TEC: variants seen among roughly 807,000 people sequenced by gnomAD.
TEC encodes the protein tec protein tyrosine kinase, also known as tyrosine-protein kinase Tec.
In TEC, 72 loss-of-function variants were observed where a neutral mutation model predicts 93.0. The observed-to-expected ratio is 0.77, with a 90% CI of 0.64 to 0.94. TEC has a LOEUF of 0.94. TEC is among the 40% of genes least tolerant of loss of function. TEC has a pLI of 0.00. For missense variants in TEC, 630 were observed against 757.9 expected, an observed-to-expected ratio of 0.83 and a Z score of 1.98; for synonymous variants, 249 against 247.7, an observed-to-expected ratio of 1.01 and a Z score of -0.05.
chr4:48,212,110 A>AAAAAAAAAAAAAT, intron 2 of TEC, among the ~76,000 whole-genome samples: 5 of 122,250 alleles, frequency 4.1e-5, no homozygotes, highest in South Asian at 2.5e-4. Context: ...AAAAAAAAAA[A>AAAAAAAAAAAAAT]ATATATATAT....
intron 1 of TEC, among the ~76,000 whole-genome samples, chr4:48,243,040 C>T (rs958093938): frequency 2.0e-5 from 3 of 152,136 alleles, no homozygotes; most frequent in Admixed American, 6.5e-5. Context: ...CATTTTACTA[C>T]TGTGTTAAAC....
intron 1 of TEC, among the ~76,000 whole-genome samples, chr4:48,250,588 G>A (rs12507853): frequency 0.15 from 22,680 of 152,150 alleles, 2,041 homozygotes; most frequent in Non-Finnish European, 0.2. Context: ...TGCGATCACC[G>A]TGAGAATCCA....
At chr4:48,174,730 A>G (rs1464292445) in intron 3 of TEC, among the ~76,000 whole-genome samples, 1 of 152,126 alleles carries the variant, frequency 6.6e-6, no homozygotes, top group African/African-American at 2.4e-5. Context: ...TGCATTAAAC[A>G]TACTTAAGAA....
chr4:48,192,479 G>T (rs933959501), intron 2 of TEC, among the ~76,000 whole-genome samples: 1 of 152,082 alleles, frequency 6.6e-6, no homozygotes, highest in Non-Finnish European at 1.5e-5. Context: ...ATCAAATAAT[G>T]CAATTTAAAT....
chr4:48,169,464 A>T (rs1468925386), intron 5 of TEC, among the ~76,000 whole-genome samples: 1 of 152,146 alleles, frequency 6.6e-6, no homozygotes, highest in Admixed American at 6.5e-5. Context: ...TCCCAAGAGA[A>T]TCAGGGTGCC....
intron 1 of TEC, among the ~76,000 whole-genome samples, chr4:48,231,508 G>A (rs1723642082): frequency 6.6e-6 from 1 of 152,214 alleles, no homozygotes; most frequent in South Asian, 2.1e-4. Context: ...TGTAATCCCA[G>A]CACTTTGGGA....
chr4:48,269,177 G>A (rs981620932), intron 1 of TEC, among the ~76,000 whole-genome samples: 9 of 152,184 alleles, frequency 5.9e-5, no homozygotes, highest in African/African-American at 2.2e-4. Flanking sequence ...GAACATCTTG[G>A]CCGATACTGC....
intron 2 of TEC, among the ~76,000 whole-genome samples, chr4:48,216,162 G>A (rs1723070710): frequency 6.6e-6 from 1 of 151,272 alleles, no homozygotes; most frequent in South Asian, 2.1e-4. Flanking sequence ...TGTTCCCTCT[G>A]CATTGAATGG....
intron 2 of TEC, among the ~76,000 whole-genome samples, chr4:48,218,518 C>T (rs990813039): frequency 1.4e-4 from 21 of 152,128 alleles, no homozygotes; most frequent in African/African-American, 4.8e-4. Flanking sequence ...CCCGGTAGTA[C>T]AAGAAATTAT....
rs143016036 is a variant in TEC at position 48,246,938 on chromosome 4, A to G, written c.-45-18279T>C. ...AACTTAAAAATTTTTGCGTGACATT[A>G]TTGAAGAAGGTTACAAGAAGTTCCC... On this transcript the variant is annotated intron_variant, in intron 1 of 17. Transcript: ENST00000381501. Among the ~76,000 whole-genome samples, 605 of 152,324 alleles carry G rather than the reference A, an allele frequency of 4.0e-3. 9 individuals carry two copies. The highest frequency in any genetic ancestry group is 0.014 in the African/African-American group (562 of 41,582).
At chr4:48,185,514 C>T (rs1234383869) in intron 2 of TEC, among the ~76,000 whole-genome samples, 3 of 152,140 alleles carry the variant, frequency 2.0e-5, no homozygotes, top group Non-Finnish European at 1.5e-5. Flanking sequence ...CTAACAAAAA[C>T]TTGGCATTCC....
intron 2 of TEC, among the ~76,000 whole-genome samples, chr4:48,207,046 C>T (rs146003855): frequency 1.6e-4 from 25 of 152,164 alleles, no homozygotes; most frequent in African/African-American, 6.0e-4. Context: ...TCTTCTGCAC[C>T]GTTGACAGGA....
intron 1 of TEC, among the ~76,000 whole-genome samples, chr4:48,230,861 C>T (rs1723626020): frequency 6.6e-6 from 1 of 152,190 alleles, no homozygotes; most frequent in African/African-American, 2.4e-5. Context: ...TCAAAATTCC[C>T]CTCCTTGATG....
chr4:48,219,422 A>G (rs1723182495), intron 2 of TEC, among the ~76,000 whole-genome samples: 1 of 152,206 alleles, frequency 6.6e-6, no homozygotes, highest in South Asian at 2.1e-4. Context: ...AGTCATCCGG[A>G]GGCCTAAACC....
chr4:48,168,012 C>G, intron 6 of TEC, 59 bp from the exon 7 acceptor site: 1 of 1,503,904 alleles, frequency 6.6e-7, no homozygotes. Flanking sequence ...GATCATGAAT[C>G]AAAACACTAA....
In TEC at chr4:48,137,463, G is replaced by A. The variant is rs138487528; in HGVS notation, c.1849C>T (p.Arg617Cys). The A allele has an allele frequency of 5.5e-5, 88 of 1,613,956 alleles. No individual in the cohort carries two copies. The highest frequency in any genetic ancestry group is 6.9e-5 in the Non-Finnish European group (82 of 1,179,990). The part of the protein sequence containing the change: ...EGRPSFEDLL[R>C]TIDELVECEE... Reference sequence around the variant, plus strand: ...CATTCAACTAGTTCATCTATTGTGCGCAGCAGATCTTCGAAAGAAGGCCTT... The same window carrying A: ...CATTCAACTAGTTCATCTATTGTGCACAGCAGATCTTCGAAAGAAGGCCTT... Residue 617 changes from arginine (R) to cysteine (C), a missense_variant, in exon 18 of 18, where the codon CGC becomes TGC. Arg to Cys is a radical substitution (Grantham distance 180). Around this residue, in one of 3 missense-constraint regions of TEC, gnomAD observed 289 missense variants for 390.0 expected, o/e 0.74. Coordinates refer to ENST00000381501, the MANE Select transcript of TEC (RefSeq NM_003215.3).
At chr4:48,206,771 T>A (rs1277800813) in intron 2 of TEC, among the ~76,000 whole-genome samples, 2 of 131,778 alleles carry the variant, frequency 1.5e-5, no homozygotes, top group Non-Finnish European at 3.1e-5. Flanking sequence ...GGAGACCTCG[T>A]TGCTACAAAA....
intron 2 of TEC, among the ~76,000 whole-genome samples, chr4:48,187,434 T>TAAAAA (rs59244907): frequency 1.5e-5 from 2 of 134,234 alleles, no homozygotes; most frequent in African/African-American, 2.8e-5. Context: ...CAATAAATAC[T>TAAAAA]AAAAAAAAAA....
intron 1 of TEC, among the ~76,000 whole-genome samples, chr4:48,237,198 T>C (rs1027778198): frequency 4.0e-5 from 6 of 151,814 alleles, no homozygotes; most frequent in African/African-American, 7.3e-5. Flanking sequence ...CATGCACCTA[T>C]AGTCCCAGCT....
Sources: allele counts gnomAD v4.1 joint callset (sites outside exome capture counted in the v4.1 genomes callset), GRCh38; gene constraint gnomAD v4.1.1; regional missense constraint gnomAD v4.1.1; transcripts MANE v1.5; gene names NCBI Gene and HGNC (gene_info 2026-07-23, HGNC 2026-07-21).